CACNA2D3: variants seen among roughly 807,000 people sequenced by gnomAD.
CACNA2D3 encodes the protein calcium voltage-gated channel auxiliary subunit alpha2delta 3, also known as voltage-dependent calcium channel subunit alpha-2/delta-3.
In CACNA2D3, 60 loss-of-function variants were observed where a neutral mutation model predicts 160.6. The ratio of observed to expected loss-of-function variants is 0.37; its 90% confidence interval spans 0.30 to 0.46. The LOEUF is 0.46. CACNA2D3 is among the 20% of genes least tolerant of loss of function. CACNA2D3 has a pLI of 1.00. For missense variants in CACNA2D3, 1,205 were observed against 1,365.0 expected (o/e 0.88, Z 1.85); for synonymous variants, 558 against 492.9 (o/e 1.13, Z -1.75).
chr3:55,007,856 G>T lies in CACNA2D3; in HGVS notation c.2819+14G>T. 1 of 1,511,312 alleles carries T rather than the reference G, an allele frequency of 6.6e-7. No individual in the cohort carries two copies. Among genetic ancestry groups the T allele is most frequent in the Non-Finnish European group, 8.8e-7 (1 of 1,131,920 alleles). 93.6% of individuals were successfully genotyped at this position (1,511,312 alleles called of 1,614,324 possible). On this transcript the variant is annotated intron_variant, in intron 33 of 37. Coordinates refer to ENST00000474759, the MANE Select transcript of CACNA2D3 (RefSeq NM_018398.3). ...AGAACTTGTCTTGTAAGTAAAATCT[G>T]CTGCATTTTTTTGAAAAGTATTAAT...
At chr3:54,284,999 T>A (rs1702974603) in intron 2 of CACNA2D3, among the ~76,000 whole-genome samples, 1 of 152,186 alleles carries the variant, frequency 6.6e-6, no homozygotes. Flanking sequence ...GCTCCCAGCA[T>A]GAGCGATGCA....
At chr3:54,384,921 A>G (rs1459901336) in intron 3 of CACNA2D3, among the ~76,000 whole-genome samples, 1 of 152,028 alleles carries the variant, frequency 6.6e-6, no homozygotes. Flanking sequence ...GGTTTTTGCC[A>G]CGTTGACCAG....
chr3:54,488,837 C>T (rs1216628318), intron 4 of CACNA2D3, among the ~76,000 whole-genome samples: 1 of 152,086 alleles, frequency 6.6e-6, no homozygotes, highest in Non-Finnish European at 1.5e-5. Flanking sequence ...TGTGCGATGA[C>T]CCCTGGGATA....
intron 11 of CACNA2D3, among the ~76,000 whole-genome samples, chr3:54,653,272 C>G (rs1259730374): frequency 6.6e-6 from 1 of 152,276 alleles, no homozygotes; most frequent in African/African-American, 2.4e-5. Flanking sequence ...TCTGTGAATG[C>G]TCCAAGATGC....
intron 27 of CACNA2D3, chr3:54,924,532 C>T (rs542608000): frequency 1.6e-4 from 183 of 1,142,492 alleles, no homozygotes; most frequent in Admixed American, 3.8e-4. Context: ...ACACACTCCT[C>T]CACATTCTTT....
At chr3:55,030,023 G>T (rs1703655151) in intron 35 of CACNA2D3, among the ~76,000 whole-genome samples, 1 of 152,128 alleles carries the variant, frequency 6.6e-6, no homozygotes, top group Admixed American at 6.5e-5. Flanking sequence ...AGCACCAGTG[G>T]TCATATTCTT....
rs565962016 is a variant in CACNA2D3 at position 54,850,729 on chromosome 3, C to T, written c.1626+4262C>T. 3.0e-4 allele frequency among the ~76,000 whole-genome samples: 45 copies of T among 152,318 alleles called. 1 individual carries two copies. Among genetic ancestry groups the T allele is most frequent in the Middle Eastern group, 6.8e-3 (2 of 294 alleles). On this transcript the variant is annotated intron_variant, in intron 17 of 37. Coordinates refer to ENST00000474759, the MANE Select transcript of CACNA2D3 (RefSeq NM_018398.3). ...ATGGCAGGGTTCCACAGAGGAGCCT[C>T]AGGCAGGCAAAATTTAGGACTCATT...
At chr3:55,004,649 G>A in intron 31 of CACNA2D3, 114 bp from the exon 32 acceptor site, 1 of 688,528 alleles carries the variant, frequency 1.5e-6, no homozygotes, top group South Asian at 1.8e-5. Flanking sequence ...GGGCTGCATG[G>A]TGTTTGTCAC....
At chr3:55,063,637 T>C (rs2107223823) in intron 35 of CACNA2D3, among the ~76,000 whole-genome samples, 1 of 152,150 alleles carries the variant, frequency 6.6e-6, no homozygotes. Flanking sequence ...GGAAGGTGGC[T>C]TTGGGGCTGG....
chr3:54,720,902 C>G (rs1701156357), intron 11 of CACNA2D3, among the ~76,000 whole-genome samples: 1 of 152,026 alleles, frequency 6.6e-6, no homozygotes, highest in South Asian at 2.1e-4. Context: ...AAAGAAAGGA[C>G]AAGATATACT....
chr3:54,321,081 A>G (rs1703978249), intron 3 of CACNA2D3, among the ~76,000 whole-genome samples: 1 of 152,194 alleles, frequency 6.6e-6, no homozygotes, highest in African/African-American at 2.4e-5. Flanking sequence ...GCACTTTGGG[A>G]GGCCGAGGCA....
chr3:54,440,890 T>C (rs969239238), intron 4 of CACNA2D3, among the ~76,000 whole-genome samples: 4 of 152,252 alleles, frequency 2.6e-5, no homozygotes, highest in African/African-American at 9.6e-5. Flanking sequence ...CTATCATTGT[T>C]GGACATTTGG....
chr3:54,584,759 A>G (rs1702732018), intron 9 of CACNA2D3, among the ~76,000 whole-genome samples: 2 of 152,218 alleles, frequency 1.3e-5, no homozygotes, highest in African/African-American at 2.4e-5. Context: ...CAAGAAAAAA[A>G]TCTAGAAACA....
intron 10 of CACNA2D3, chr3:54,632,457 C>A (rs1358874183): frequency 6.6e-6 from 1 of 152,116 alleles, no homozygotes; most frequent in African/African-American, 2.4e-5. Flanking sequence ...TTCAATGGTG[C>A]GAAGCTGTGT....
chr3:54,964,996 C>G (rs936034686), intron 27 of CACNA2D3, among the ~76,000 whole-genome samples: 6 of 152,082 alleles, frequency 3.9e-5, no homozygotes, highest in African/African-American at 1.4e-4. Flanking sequence ...AAAATATAAA[C>G]CTGATCCTGC....
intron 3 of CACNA2D3, among the ~76,000 whole-genome samples, chr3:54,333,477 A>C (rs1704311760): frequency 6.6e-6 from 1 of 151,844 alleles, no homozygotes; most frequent in African/African-American, 2.4e-5. Flanking sequence ...GCCCACCCTT[A>C]GAAAGTATGT....
At chr3:54,895,443 G>A (rs1222667643) in intron 25 of CACNA2D3, among the ~76,000 whole-genome samples, 1 of 152,172 alleles carries the variant, frequency 6.6e-6, no homozygotes, top group Non-Finnish European at 1.5e-5. Flanking sequence ...AAGGGCATGG[G>A]CCTCCTCTCC....
chr3:54,979,773 G>A (rs1332199446), intron 29 of CACNA2D3, among the ~76,000 whole-genome samples: 3 of 152,172 alleles, frequency 2.0e-5, no homozygotes, highest in African/African-American at 7.2e-5. Flanking sequence ...AACATTATCA[G>A]AAATCTGCAT....
At chr3:54,902,583 G>C (rs1700360056) in intron 27 of CACNA2D3, among the ~76,000 whole-genome samples, 1 of 152,210 alleles carries the variant, frequency 6.6e-6, no homozygotes, top group African/African-American at 2.4e-5. Flanking sequence ...GGAAGAAGTG[G>C]TGGGACTCTC....
Sources: allele counts gnomAD v4.1 joint callset (sites outside exome capture counted in the v4.1 genomes callset), GRCh38; gene constraint gnomAD v4.1.1; transcripts MANE v1.5; gene names NCBI Gene and HGNC (gene_info 2026-07-23, HGNC 2026-07-21).